The following C9orf50 variants were observed in gnomAD, a reference collection of about 807,000 sequenced individuals.
C9orf50 encodes the protein uncharacterized protein C9orf50.
A neutral mutation model predicts 42.5 loss-of-function variants in C9orf50; 33 were observed. That is an observed-to-expected ratio of 0.78 (90% CI 0.59 to 1.04). C9orf50 has a LOEUF of 1.04. C9orf50 is among the 50% of genes least tolerant of loss of function. The pLI, the probability that C9orf50 is intolerant of heterozygous loss-of-function variation, is 0.00. For missense variants in C9orf50, 547 were observed against 594.3 expected (o/e 0.92, Z 0.83); for synonymous variants, 257 against 273.4 (o/e 0.94, Z 0.59).
chr9:129,612,802 C>A (rs1030722396), intron 6 of C9orf50, among the ~76,000 whole-genome samples: 13 of 152,128 alleles, frequency 8.5e-5, no homozygotes, highest in Admixed American at 6.5e-5. Context: ...TGCACTCCAG[C>A]CTGGGCGACA....
chr9:129,614,639 C>T lies in C9orf50; in HGVS notation c.880+845G>A, dbSNP rs1830261446. 2.0e-5 allele frequency among the ~76,000 whole-genome samples: 3 copies of T among 152,198 alleles called. No individual in the cohort carries two copies. Among genetic ancestry groups the T allele is most frequent in the South Asian group, 2.1e-4 (1 of 4,830 alleles). ...CTGGGAATGGCCAGGCGCGGTGGCT[C>T]ATGCCTGTAATCCCAGCACTTTGGG... On this transcript the variant is annotated intron_variant, in intron 4 of 6. Coordinates refer to ENST00000372478, the Ensembl canonical transcript of C9orf50. This position sits in a 1 kb window ranked among gnomAD's most constrained non-coding sequence, Gnocchi z 4.4.
chr9:129,618,677 ATTTAT>A (rs912479658), intron 3 of C9orf50, among the ~76,000 whole-genome samples: 5 of 150,716 alleles, frequency 3.3e-5, no homozygotes, highest in Admixed American at 6.6e-5. Context: ...TTTATTTTTT[ATTTAT>A]TTTATTTTAT....
chr9:129,615,299 T>G (rs1254701511), intron 4 of C9orf50, among the ~76,000 whole-genome samples, 185 bp downstream of exon 4: 3 of 152,186 alleles, frequency 2.0e-5, no homozygotes, highest in East Asian at 3.8e-4. Context: ...GACCCTCTAC[T>G]TGGTCTTCGA....
chr9:129,614,580 C>T lies in C9orf50; in HGVS notation c.880+904G>A, dbSNP rs10988452. Among the ~76,000 whole-genome samples, 30,528 of 152,126 alleles carry T rather than the reference C, an allele frequency of 0.2. 3,613 individuals are homozygous for T. The highest frequency in any genetic ancestry group is 0.34 in the African/African-American group (14,005 of 41,466). On this transcript the variant is annotated intron_variant, in intron 4 of 6. Coordinates refer to ENST00000372478, the Ensembl canonical transcript of C9orf50. This position sits in a 1 kb window ranked among gnomAD's most constrained non-coding sequence, Gnocchi z 4.4. ...TACCAGAGTAAGAACAGGGACTTCT[C>T]GCCTGCTTCTCGAGACACACTTCAG...
intron 3 of C9orf50, among the ~76,000 whole-genome samples, chr9:129,616,735 A>G (rs1235064735): frequency 2.0e-5 from 3 of 152,196 alleles, no homozygotes; most frequent in African/African-American, 7.2e-5. Flanking sequence ...AATCAAGGGT[A>G]TCTGTTATAT....
chr9:129,612,791 C>T (rs997620574), intron 6 of C9orf50, among the ~76,000 whole-genome samples: 31 of 152,254 alleles, frequency 2.0e-4, no homozygotes, highest in African/African-American at 6.5e-4. Flanking sequence ...GATTGCACCA[C>T]TGCACTCCAG....
chr9:129,615,783 G>A, intron 3 of C9orf50, 136 bp from the exon 4 acceptor site: 1 of 1,011,898 alleles, frequency 9.9e-7, no homozygotes, highest in Non-Finnish European at 1.3e-6. Context: ...GCCAATCACA[G>A]CAGCCGGCCT....
At position 129,613,156 on chromosome 9, in the gene C9orf50, G is replaced by A. The variant is rs539957283; in HGVS notation, c.1139C>T (p.Pro380Leu). 2.4e-4 allele frequency: 384 copies of A among 1,613,762 alleles called. No individual in the cohort carries two copies. The highest frequency in any genetic ancestry group is 3.1e-4 in the Non-Finnish European group (362 of 1,179,998). Residue 380 changes from proline to leucine, a missense_variant, in exon 6 of 7, where the codon CCG becomes CTG. Around this residue, in one of 3 missense-constraint regions of C9orf50, gnomAD observed 334 missense variants for 323.7 expected, o/e 1.03. Transcript: ENST00000372478. The surrounding 1 kb of genome is among the most constrained non-coding windows in gnomAD (Gnocchi z 6.2). The stretch of plus-strand genomic sequence containing the variant: ...CAAGAAGGCTCGGAGGCTGCTTCGC[G>A]GCCTCTGAGCAGCGGCCTTCTTCCA...
At position 129,620,409 on chromosome 9, in the gene C9orf50, C is replaced by A; in HGVS notation, c.166G>T (p.Gly56Trp). 1 of 1,240,302 alleles carries A rather than the reference C, an allele frequency of 8.1e-7. No homozygotes were observed. The highest frequency in any genetic ancestry group is 1.0e-6 in the Non-Finnish European group (1 of 992,512). The allele number at this position is 1,240,302 out of a possible 1,614,324, so 76.8% of individuals were successfully genotyped here. ...TCCGGCCACCACGCGGCGCCGCCCC[C>A]CGGGATCCTCCAGTCCCCGGAGCCC... The change falls in exon 1 of 7, where the codon GGG (glycine) becomes TGG (tryptophan). Residue 56 changes from glycine to tryptophan, a missense_variant. Coordinates refer to ENST00000372478, the Ensembl canonical transcript of C9orf50. The surrounding 1 kb of genome is among the most constrained non-coding windows in gnomAD (Gnocchi z 5.8).
rs2118891469 is a variant in C9orf50, at chr9:129,620,215, C to A, written c.360G>T (p.Gly120=). 2.2e-6 allele frequency: 3 copies of A among 1,374,624 alleles called. No individual in the cohort carries two copies. The highest frequency in any genetic ancestry group is 3.6e-5 in the South Asian group (2 of 56,218). The allele number at this position is 1,374,624 out of a possible 1,614,324, so 85.2% of individuals were successfully genotyped here. The change falls in exon 1 of 7, where the codon GGG becomes GGT. Residue 120 remains glycine (G), a synonymous_variant. Transcript: ENST00000372478. The surrounding 1 kb of genome is among the most constrained non-coding windows in gnomAD (Gnocchi z 5.8). ...TCCGGGGGCGCTCGCGCTCTCCAGGCCCTGGCTGCCTGGGCGCCGATTCCC... is the reference window on the plus strand; with the variant it reads ...TCCGGGGGCGCTCGCGCTCTCCAGGACCTGGCTGCCTGGGCGCCGATTCCC...
upstream of C9orf50, chr9:129,620,794 C>G (rs1267575880): frequency 2.5e-6 from 1 of 403,674 alleles, no homozygotes; most frequent in Admixed American, 4.5e-5. This position sits in a 1 kb window ranked among gnomAD's most constrained non-coding sequence, Gnocchi z 5.8. Flanking sequence ...GCAAGAGTAG[C>G]CAACTTTGGG....
intron 3 of C9orf50, among the ~76,000 whole-genome samples, chr9:129,617,332 G>T (rs1830441325): frequency 6.6e-6 from 1 of 152,208 alleles, no homozygotes; most frequent in South Asian, 2.1e-4. Context: ...TCTAACAGTT[G>T]TCTGCTCAGG....
chr9:129,620,078 G>A lies in C9orf50; in HGVS notation c.497C>T (p.Pro166Leu), dbSNP rs1382865571. The A allele has an allele frequency of 2.8e-6, 4 of 1,450,220 alleles. No homozygotes were observed. The highest frequency in any genetic ancestry group is 5.7e-5 in the Admixed American group (2 of 35,030). The allele number at this position is 1,450,220 out of a possible 1,614,324, so 89.8% of individuals were successfully genotyped here. A position where few individuals can be genotyped will look rare whatever the true frequency, so the allele number is the denominator to read the frequency against. ...CCGCGGGGCCTCACTCAGTGGCTCCGGCTCCTCGGCGCACTTCTCCTGGAG... is the reference window on the plus strand; with the variant it reads ...CCGCGGGGCCTCACTCAGTGGCTCCAGCTCCTCGGCGCACTTCTCCTGGAG... Residue 166 changes from proline (P) to leucine (L), a missense_variant, in exon 1 of 7, where the codon CCG (proline) becomes CTG (leucine). Physicochemically the swap from Pro to Leu is moderately conservative, Grantham distance 98. Around this residue, in one of 3 missense-constraint regions of C9orf50, gnomAD observed 108 missense variants for 172.1 expected, o/e 0.63. Transcript: ENST00000372478. This position sits in a 1 kb window ranked among gnomAD's most constrained non-coding sequence, Gnocchi z 5.8.
Position 129,613,720 on chromosome 9 carries a change from T to A in C9orf50, c.881-123A>T. 8.0e-7 allele frequency: 1 copy of A among 1,252,322 alleles called. No homozygotes were observed. The highest frequency in any genetic ancestry group is 1.1e-6 in the Non-Finnish European group (1 of 906,318). 77.6% of individuals were successfully genotyped at this position (1,252,322 alleles called of 1,614,324 possible). A position where few individuals can be genotyped will look rare whatever the true frequency, so the allele number is the denominator to read the frequency against. On this transcript the variant is annotated intron_variant, in intron 4 of 6. Transcript: ENST00000372478. The surrounding 1 kb of genome is among the most constrained non-coding windows in gnomAD (Gnocchi z 6.2). ...CCCTGTCTCCATGGCAACCCCAGGCTCCCCAGCGCCTTCTGGCTGCCTCCA... is the reference window on the plus strand; with the variant it reads ...CCCTGTCTCCATGGCAACCCCAGGCACCCCAGCGCCTTCTGGCTGCCTCCA...
In C9orf50 at chr9:129,617,678, T is replaced by G. The variant is rs1022192154; in HGVS notation, c.716+1842A>C. The stretch of plus-strand genomic sequence containing the variant: ...TGAGGTTGGTAAATGTGTTTCACTG[T>G]TTTTGTTTGTTTGTTTGTTTTTTGA... On this transcript the variant is annotated intron_variant, in intron 3 of 6. Transcript: ENST00000372478. 5.3e-4 allele frequency among the ~76,000 whole-genome samples: 80 copies of G among 150,558 alleles called. 1 individual carries two copies. The highest frequency in any genetic ancestry group is 3.1e-3 in the Admixed American group (47 of 15,062).
chr9:129,618,482 A>G (rs1039985820), intron 3 of C9orf50, among the ~76,000 whole-genome samples: 2 of 152,258 alleles, frequency 1.3e-5, no homozygotes, highest in Middle Eastern at 6.8e-3. Flanking sequence ...ATAGAACTGA[A>G]CTATGAATGT....
At chr9:129,621,724 C>T (rs1358484331), upstream of C9orf50, among the ~76,000 whole-genome samples, 2 of 152,086 alleles carry the variant, frequency 1.3e-5, no homozygotes, top group East Asian at 3.9e-4. Flanking sequence ...AGTCTTACTC[C>T]CAGCTCTGAC....
At position 129,613,476 on chromosome 9, in the gene C9orf50, C is replaced by T. The variant is rs1376502015; in HGVS notation, c.1002G>A (p.Glu334=). ...AACACGAGGAGCTGGCCAGGGTCTC[C>T]TCCTTGGCCCCAGGGTACAGGGCTT... is the stretch of plus-strand genomic sequence containing the variant. The change falls in exon 5 of 7, where the codon GAG becomes GAA. Residue 334 remains glutamate, a synonymous_variant. Coordinates refer to ENST00000372478, the Ensembl canonical transcript of C9orf50. The surrounding 1 kb of genome is among the most constrained non-coding windows in gnomAD (Gnocchi z 6.2). The T allele has an allele frequency of 6.2e-7, 1 of 1,614,160 alleles. No homozygotes were observed. The highest frequency in any genetic ancestry group is 8.5e-7 in the Non-Finnish European group (1 of 1,180,032).
At chr9:129,615,582 C>G (rs1564334684) in exon 4 of C9orf50, 1 of 1,607,362 alleles carries the variant, frequency 6.2e-7, no homozygotes, top group Admixed American at 1.7e-5. Flanking sequence ...GGGCCTAGAG[C>G]CTTCCCCCGA....
Sources: allele counts gnomAD v4.1 joint callset (sites outside exome capture counted in the v4.1 genomes callset), GRCh38; gene constraint gnomAD v4.1.1; regional missense constraint gnomAD v4.1.1; non-coding constraint Gnocchi (gnomAD v3.1); transcripts MANE v1.5; gene names NCBI Gene and HGNC (gene_info 2026-07-23, HGNC 2026-07-21).